The following EPB41L5 variants were observed in gnomAD, a reference collection of about 807,000 sequenced individuals.
EPB41L5 encodes erythrocyte membrane protein band 4.1 like 5, also known as band 4.1-like protein 5.
EPB41L5 carries 55 observed loss-of-function variants against 106.6 expected under a neutral mutation model. The ratio of observed to expected loss-of-function variants is 0.52; its 90% CI spans 0.42 to 0.65. EPB41L5 has a LOEUF of 0.65. Among genes scored for constraint, EPB41L5 ranks in the 30% least tolerant of loss-of-function variants. The pLI, the probability that EPB41L5 is intolerant of heterozygous loss-of-function variation, is 0.00. For missense variants in EPB41L5, 871 were observed against 882.1 expected, an observed-to-expected ratio of 0.99 and a Z score of 0.16; for synonymous variants, 297 against 306.7, an observed-to-expected ratio of 0.97 and a Z score of 0.33.
chr2:120,081,063 T>G (rs1419641560), intron 10 of EPB41L5, among the ~76,000 whole-genome samples: 9 of 152,172 alleles, frequency 5.9e-5, no homozygotes, highest in Admixed American at 5.2e-4. Context: ...GTAGGTTGCC[T>G]GTTCACTCTG....
At chr2:120,036,658 A>G (rs180922953) in intron 2 of EPB41L5, among the ~76,000 whole-genome samples, 2 of 152,342 alleles carry the variant, frequency 1.3e-5, no homozygotes, top group East Asian at 3.9e-4. Context: ...ATTTTCTAAA[A>G]GATATTAACA....
intron 3 of EPB41L5, among the ~76,000 whole-genome samples, chr2:120,072,636 T>G (rs1287858339): frequency 6.6e-6 from 1 of 152,138 alleles, no homozygotes; most frequent in Non-Finnish European, 1.5e-5. Flanking sequence ...TGCAGGGACA[T>G]AGATGAAGCT....
At position 120,075,762 on chromosome 2, in the gene EPB41L5, T is replaced by A. The variant is rs1185043979; in HGVS notation, c.505+9T>A. Reference sequence around the variant, plus strand: ...AGCTTATAATCTGCAAGGTAAGCAATTCTTATGTTGACTGTTAAGACTCAA... The same window carrying A: ...AGCTTATAATCTGCAAGGTAAGCAAATCTTATGTTGACTGTTAAGACTCAA... On this transcript the variant is annotated intron_variant, in intron 7 of 24. Coordinates refer to ENST00000263713, the MANE Select transcript of EPB41L5 (RefSeq NM_020909.4). The A allele has an allele frequency of 6.2e-7, 1 of 1,606,810 alleles. No individual in the cohort carries two copies. The highest frequency in any genetic ancestry group is 8.5e-7 in the Non-Finnish European group (1 of 1,173,660).
chr2:120,082,256 T>C (rs1682726467), intron 10 of EPB41L5, among the ~76,000 whole-genome samples: 2 of 152,212 alleles, frequency 1.3e-5, no homozygotes, highest in South Asian at 2.1e-4. Context: ...TTGTCATAAA[T>C]AGCTCTTATT....
chr2:120,178,658 A>G lies in EPB41L5; in HGVS notation c.*3751A>G, dbSNP rs565690814. On this transcript the variant is annotated 3_prime_UTR_variant, in exon 25 of 25. Coordinates refer to ENST00000263713, the MANE Select transcript of EPB41L5 (RefSeq NM_020909.4). ...CTTTTCCTACATATTAGGCGTTAGT[A>G]TGAGGACATTTGTTTGAATTATAGA... 1 of 152,356 alleles carries G rather than the reference A, an allele frequency of 6.6e-6. No individual in the cohort carries two copies. The highest frequency in any genetic ancestry group is 2.1e-4 in the South Asian group (1 of 4,834). 9.4% of individuals were successfully genotyped at this position (152,356 alleles called of 1,614,324 possible).
chr2:120,120,417 G>A (rs2105446475), intron 16 of EPB41L5, among the ~76,000 whole-genome samples: 2 of 128,842 alleles, frequency 1.6e-5, no homozygotes, highest in South Asian at 5.1e-4. Context: ...GGGTGACAGA[G>A]CGACACTCAA....
chr2:120,076,600 T>G (rs1330484000), intron 7 of EPB41L5, among the ~76,000 whole-genome samples: 1 of 149,602 alleles, frequency 6.7e-6, no homozygotes, highest in Non-Finnish European at 1.5e-5. Flanking sequence ...ACACCCAGCC[T>G]TAGTAATATT....
chr2:120,052,252 C>T (rs529132247), intron 3 of EPB41L5, among the ~76,000 whole-genome samples: 10 of 152,262 alleles, frequency 6.6e-5, no homozygotes, highest in South Asian at 6.2e-4. Context: ...TTTTGTATAT[C>T]GTCCCTCAAT....
At chr2:120,046,298 C>T (rs1679770921) in intron 3 of EPB41L5, among the ~76,000 whole-genome samples, 1 of 152,128 alleles carries the variant, frequency 6.6e-6, no homozygotes, top group Non-Finnish European at 1.5e-5. Context: ...TCCTATGTCT[C>T]CACTTCCTCT....
intron 2 of EPB41L5, among the ~76,000 whole-genome samples, chr2:120,037,654 A>G (rs1380370376): frequency 2.0e-5 from 3 of 152,084 alleles, no homozygotes; most frequent in Non-Finnish European, 2.9e-5. Context: ...CCATCTCTAC[A>G]AAAGAAAAAA....
chr2:120,124,257 A>G (rs978649060), intron 16 of EPB41L5, among the ~76,000 whole-genome samples: 14 of 152,050 alleles, frequency 9.2e-5, no homozygotes, highest in African/African-American at 3.1e-4. Context: ...GTACCCTTTT[A>G]CTATTTAGAT....
chr2:120,032,057 A>G (rs2105173920), intron 2 of EPB41L5, among the ~76,000 whole-genome samples: 1 of 152,290 alleles, frequency 6.6e-6, no homozygotes, highest in South Asian at 2.1e-4. Context: ...GTTCAGAGGC[A>G]TGACTTATTG....
intron 10 of EPB41L5, among the ~76,000 whole-genome samples, chr2:120,080,636 C>T (rs1290551080): frequency 6.6e-6 from 1 of 152,200 alleles, no homozygotes; most frequent in Non-Finnish European, 1.5e-5. Flanking sequence ...AATGGGATGG[C>T]TGGGTCAGAT....
At chr2:120,016,697 A>G (rs1467746111) in intron 1 of EPB41L5, among the ~76,000 whole-genome samples, 1 of 151,794 alleles carries the variant, frequency 6.6e-6, no homozygotes, top group Non-Finnish European at 1.5e-5. Flanking sequence ...AGTCTCACTC[A>G]GGTTGGAGTG....
At chr2:120,076,131 C>T (rs1240031840) in intron 7 of EPB41L5, among the ~76,000 whole-genome samples, 1 of 152,180 alleles carries the variant, frequency 6.6e-6, no homozygotes, top group East Asian at 1.9e-4. Flanking sequence ...GAAATAACCA[C>T]AGATGAGTAC....
chr2:120,028,329 A>C (rs1420135572), intron 2 of EPB41L5, among the ~76,000 whole-genome samples: 1 of 152,036 alleles, frequency 6.6e-6, no homozygotes, highest in Non-Finnish European at 1.5e-5. Context: ...TGAGTCCAGG[A>C]GTTTGACTAG....
At chr2:120,149,286 C>T (rs945528074) in intron 20 of EPB41L5, among the ~76,000 whole-genome samples, 4 of 152,140 alleles carry the variant, frequency 2.6e-5, no homozygotes, top group African/African-American at 9.7e-5. Flanking sequence ...TTAGTACATT[C>T]TGTATTTAGT....
At chr2:120,171,489 A>C (rs1383148476) in intron 24 of EPB41L5, among the ~76,000 whole-genome samples, 2 of 152,214 alleles carry the variant, frequency 1.3e-5, no homozygotes, top group African/African-American at 4.8e-5. Context: ...TGGAATTTCC[A>C]TTTGGAGTAA....
chr2:120,141,339 T>C (rs558514696), intron 18 of EPB41L5, among the ~76,000 whole-genome samples: 2 of 152,078 alleles, frequency 1.3e-5, no homozygotes, highest in South Asian at 4.1e-4. Flanking sequence ...TCTATTATGC[T>C]AATTGAATTT....
Sources: allele counts gnomAD v4.1 joint callset (sites outside exome capture counted in the v4.1 genomes callset), GRCh38; gene constraint gnomAD v4.1.1; transcripts MANE v1.5; gene names NCBI Gene and HGNC (gene_info 2026-07-23, HGNC 2026-07-21).